The following ABCA4 variants were observed in gnomAD, a reference collection of about 807,000 sequenced individuals.
ABCA4 encodes the protein ATP binding cassette subfamily A member 4.
Under a neutral mutation model 263.7 loss-of-function variants are expected in ABCA4, and 196 were observed. That is an observed-to-expected ratio of 0.74 (90% CI 0.66 to 0.84). The LOEUF (loss-of-function observed/expected upper bound fraction) is 0.84, where lower values mean the gene tolerates loss of function less well. Ranked by LOEUF, ABCA4 falls within the 40% of genes least tolerant of loss-of-function variation. The pLI, the probability that ABCA4 is intolerant of heterozygous loss-of-function variation, is 0.00. For synonymous variants in ABCA4, 1,133 were observed against 1,094.2 expected (o/e 1.04, Z -0.70); for missense variants, 2,792 against 2,855.1 (o/e 0.98, Z 0.50).
At position 93,997,948 on chromosome 1, in the gene ABCA4, G is replaced by C. The variant is rs2100988023; in HGVS notation, c.6642C>G (p.Ser2214=). The C allele has an allele frequency of 6.2e-7, 1 of 1,614,000 alleles. No homozygotes were observed. The highest frequency in any genetic ancestry group is 2.2e-5 in the East Asian group (1 of 44,860). Residue 2214 remains serine, a synonymous_variant, in exon 48 of 50, where the codon TCC becomes TCG. Coordinates refer to ENST00000370225, the MANE Select transcript of ABCA4 (RefSeq NM_000350.3). ...NMLQFQVSSS[S]LARIFQLLLS... ...GGAGGAGCTGGAAGATCCTCGCCAGGGAGGAGGAGGAGACCTGGAACTGGA... is the reference window on the plus strand; with the variant it reads ...GGAGGAGCTGGAAGATCCTCGCCAGCGAGGAGGAGGAGACCTGGAACTGGA...
intron 49 of ABCA4, among the ~76,000 whole-genome samples, chr1:93,995,274 A>G (rs1465742519): frequency 3.3e-5 from 5 of 152,240 alleles, no homozygotes; most frequent in Non-Finnish European, 7.3e-5. Context: ...TTTTTCTTGC[A>G]ATCCAGAAAC....
At chr1:94,004,728 T>G (rs1462495650) in intron 44 of ABCA4, among the ~76,000 whole-genome samples, 1 of 152,256 alleles carries the variant, frequency 6.6e-6, no homozygotes, top group Non-Finnish European at 1.5e-5. Context: ...AAATTAAAAC[T>G]ATACAAAAAT....
At chr1:94,018,017 G>A (rs951187993) in intron 36 of ABCA4, among the ~76,000 whole-genome samples, 18 of 152,298 alleles carry the variant, frequency 1.2e-4, no homozygotes, top group African/African-American at 4.3e-4. Context: ...TCGCGGAGGT[G>A]AGATTCCAGG....
rs750709182 is a variant in ABCA4 at position 94,015,739 on chromosome 1, C to A, written c.5312G>T (p.Gly1771Val). Reference protein sequence around the residue: ...PALVALLLLYGWAVIPMMYPA... With the variant: ...PALVALLLLYVWAVIPMMYPA... Reference sequence around the variant, plus strand: ...TTAGCTAATGGCCCAAACGGCTTACCCATACAGCAGGAGCAGTGCCACAAG... The same window carrying A: ...TTAGCTAATGGCCCAAACGGCTTACACATACAGCAGGAGCAGTGCCACAAG... Residue 1771 changes from glycine to valine, a missense_variant and splice_region_variant, in exon 37 of 50, where the codon GGA becomes GTA. Transcript: ENST00000370225. The A allele has an allele frequency of 6.2e-7, 1 of 1,613,274 alleles. No homozygotes were observed. Among genetic ancestry groups the A allele is most frequent in the East Asian group, 2.2e-5 (1 of 44,864 alleles).
chr1:94,087,515 G>T (rs1227885688), intron 6 of ABCA4, among the ~76,000 whole-genome samples: 1 of 152,186 alleles, frequency 6.6e-6, no homozygotes, highest in East Asian at 1.9e-4. Context: ...TTTGAAGTAG[G>T]CCCCTCTGCC....
rs61754033 is a variant in ABCA4 at position 94,046,960 on chromosome 1, G to A, written c.2877C>T (p.Thr959=). 720 of 1,614,048 alleles carry A rather than the reference G, an allele frequency of 4.5e-4. 1 individual carries two copies. Among genetic ancestry groups the A allele is most frequent in the Middle Eastern group, 8.2e-4 (5 of 6,082 alleles). Residue 959 remains threonine, a synonymous_variant, in exon 19 of 50, where the codon ACC becomes ACT. Transcript: ENST00000370225. The part of the protein sequence containing the change: ...LNITFYENQI[T]AFLGHNGAGK... ...CAGCTCCATTGTGGCCCAGGAATGC[G>A]GTGATCTGGTTCTCGTAGAAGGTGA...
At chr1:94,083,775 G>T (rs1045937450) in intron 6 of ABCA4, among the ~76,000 whole-genome samples, 2 of 152,180 alleles carry the variant, frequency 1.3e-5, no homozygotes, top group African/African-American at 4.8e-5. Flanking sequence ...AGTGCAGCTG[G>T]CAGAGACTGA....
intron 44 of ABCA4, among the ~76,000 whole-genome samples, chr1:94,002,407 A>G (rs1571243451): frequency 6.6e-6 from 1 of 152,372 alleles, no homozygotes; most frequent in East Asian, 1.9e-4. Flanking sequence ...CATCCGACAC[A>G]TACCTATGGA....
At chr1:94,056,030 T>C (rs1021727670) in intron 15 of ABCA4, among the ~76,000 whole-genome samples, 1 of 152,222 alleles carries the variant, frequency 6.6e-6, no homozygotes, top group Non-Finnish European at 1.5e-5. Flanking sequence ...CTGGGAATTG[T>C]GAACTAGGAA....
chr1:93,998,614 A>C (rs1461570407), intron 47 of ABCA4, among the ~76,000 whole-genome samples: 1 of 152,222 alleles, frequency 6.6e-6, no homozygotes, highest in African/African-American at 2.4e-5. Context: ...GTCCCTGGAG[A>C]AATCATTTGA....
In ABCA4 at chr1:94,106,208, G is replaced by GC. The variant is rs1395463739; in HGVS notation, c.442+2368dup. 3.3e-5 allele frequency among the ~76,000 whole-genome samples: 5 copies of GC among 152,210 alleles called. No individual in the cohort carries two copies. The East Asian group carries it at 7.7e-4, about 23-fold the overall frequency. ...TTTGCTCTGTTAGGGACTTCTCACAGCCCGAAGCCTGCAGAAGGAACCGCC... is the reference window on the plus strand; with the variant it reads ...TTTGCTCTGTTAGGGACTTCTCACAGCCCCGAAGCCTGCAGAAGGAACCGCC... On this transcript the variant is annotated intron_variant, in intron 4 of 49. Coordinates refer to ENST00000370225, the MANE Select transcript of ABCA4 (RefSeq NM_000350.3).
At chr1:93,997,594 C>G (rs1402989760) in intron 48 of ABCA4, among the ~76,000 whole-genome samples, 1 of 152,044 alleles carries the variant, frequency 6.6e-6, no homozygotes, top group Non-Finnish European at 1.5e-5. Flanking sequence ...GGAAAAACCA[C>G]CACCACAAAC....
At chr1:94,090,118 G>A (rs1467215204) in intron 6 of ABCA4, among the ~76,000 whole-genome samples, 1 of 152,068 alleles carries the variant, frequency 6.6e-6, no homozygotes, top group African/African-American at 2.4e-5. Context: ...AGGAGTACCT[G>A]GAGCTAACCC....
At chr1:94,077,297 G>A (rs1316914356) in intron 11 of ABCA4, among the ~76,000 whole-genome samples, 1 of 152,180 alleles carries the variant, frequency 6.6e-6, no homozygotes, top group African/African-American at 2.4e-5. Flanking sequence ...GGGACATGTT[G>A]AGGCTGATGT....
intron 4 of ABCA4, among the ~76,000 whole-genome samples, chr1:94,108,259 C>T (rs1490387230): frequency 6.6e-6 from 1 of 152,214 alleles, no homozygotes; most frequent in Non-Finnish European, 1.5e-5. Flanking sequence ...TTACGAAACT[C>T]TGTAAACTCG....
Position 94,111,360 on chromosome 1 carries a change from G to A in ABCA4, c.302+78C>T, listed in dbSNP as rs139921893. 106 of 1,554,866 alleles carry A rather than the reference G, an allele frequency of 6.8e-5. No homozygotes were observed. The African/African-American group carries it at 1.1e-3, about 16-fold the overall frequency. ...AAGAACACTCAGTGCTCCATGCTCC[G>A]TGCACGCACGTGTGCATTTCAGCAC... On this transcript the variant is annotated intron_variant, in intron 3 of 49. Transcript: ENST00000370225.
At chr1:94,022,089 A>C in intron 32 of ABCA4, 138 bp from the exon 33 acceptor site, 3 of 758,762 alleles carry the variant, frequency 4.0e-6, no homozygotes, top group South Asian at 1.5e-5. Context: ...CACTTTACAA[A>C]CCAGCTTTTA....
chr1:94,094,752 AG>A (rs965305009), intron 6 of ABCA4, among the ~76,000 whole-genome samples: 8 of 151,942 alleles, frequency 5.3e-5, no homozygotes, highest in African/African-American at 1.5e-4. Context: ...GAAGGATGGT[AG>A]GGGGAAGAGG....
intron 47 of ABCA4, among the ~76,000 whole-genome samples, 177 bp downstream of exon 47, chr1:94,000,659 T>C (rs1202244204): frequency 6.6e-6 from 1 of 151,566 alleles, no homozygotes; most frequent in African/African-American, 2.4e-5. Context: ...TATAGAGGAG[T>C]TTCTTATCAG....
Sources: allele counts gnomAD v4.1 joint callset (sites outside exome capture counted in the v4.1 genomes callset), GRCh38; gene constraint gnomAD v4.1.1; transcripts MANE v1.5; gene names NCBI Gene and HGNC (gene_info 2026-07-23, HGNC 2026-07-21).